The following ARMC3 variants were observed in gnomAD, a reference collection of about 807,000 sequenced individuals.
The protein encoded by ARMC3 is armadillo repeat containing 3, also known as armadillo repeat-containing protein 3.
A neutral mutation model predicts 90.3 loss-of-function variants in ARMC3; 74 were observed. The observed-to-expected ratio is 0.82, with a 90% CI of 0.68 to 0.99. The LOEUF (loss-of-function observed/expected upper bound fraction) is 0.99. Among genes scored for constraint, ARMC3 ranks in the 50% least tolerant of loss-of-function variants. The pLI, the probability that ARMC3 is intolerant of heterozygous loss-of-function variation, is 0.00. For missense variants in ARMC3, 958 were observed against 1,042.8 expected, an observed-to-expected ratio of 0.92 and a Z score of 1.12; for synonymous variants, 334 against 361.8, an observed-to-expected ratio of 0.92 and a Z score of 0.87.
At chr10:23,019,400 A>G (rs577770526) in intron 16 of ARMC3, among the ~76,000 whole-genome samples, 2 of 152,350 alleles carry the variant, frequency 1.3e-5, no homozygotes, top group African/African-American at 4.8e-5. Context: ...TGATTTCTGT[A>G]TACAATTCTA....
At chr10:22,979,676 T>C (rs1836099694) in intron 8 of ARMC3, among the ~76,000 whole-genome samples, 2 of 152,182 alleles carry the variant, frequency 1.3e-5, no homozygotes, top group Admixed American at 6.5e-5. Flanking sequence ...GGAAAAGTTT[T>C]GGATATTACT....
At chr10:22,995,608 A>C (rs979570019) in intron 10 of ARMC3, among the ~76,000 whole-genome samples, 1 of 152,226 alleles carries the variant, frequency 6.6e-6, no homozygotes, top group Non-Finnish European at 1.5e-5. Flanking sequence ...AAAGAGCAGA[A>C]GGTAGAGATA....
At chr10:22,971,082 T>G (rs1019453413) in intron 8 of ARMC3, among the ~76,000 whole-genome samples, 2 of 152,208 alleles carry the variant, frequency 1.3e-5, no homozygotes, top group Admixed American at 1.3e-4. Flanking sequence ...CAACCACTAT[T>G]CTTTGTCTCT....
intron 10 of ARMC3, among the ~76,000 whole-genome samples, chr10:22,988,257 G>A (rs1018880957): frequency 5.3e-5 from 8 of 152,142 alleles, no homozygotes; most frequent in African/African-American, 1.2e-4. Flanking sequence ...ACTTTAGAAC[G>A]TATGCCACAT....
chr10:22,938,340 C>T (rs1030724907), intron 2 of ARMC3, among the ~76,000 whole-genome samples: 1 of 152,052 alleles, frequency 6.6e-6, no homozygotes, highest in South Asian at 2.1e-4. Context: ...CCACGTAGGA[C>T]GTTAGGTTAT....
intron 6 of ARMC3, 162 bp downstream of exon 6, chr10:22,959,736 T>C (rs1835113308): frequency 1.4e-6 from 1 of 713,824 alleles, no homozygotes; most frequent in Middle Eastern, 2.8e-4. Flanking sequence ...GGAAGCTTAA[T>C]GTAGATAATC....
At chr10:22,984,562 C>A (rs1836327328) in intron 10 of ARMC3, among the ~76,000 whole-genome samples, 1 of 151,938 alleles carries the variant, frequency 6.6e-6, no homozygotes, top group South Asian at 2.1e-4. Flanking sequence ...TTTCACACAT[C>A]TTGCTTTCTC....
At chr10:22,958,887 A>C (rs909860738) in intron 4 of ARMC3, among the ~76,000 whole-genome samples, 183 bp from the exon 5 acceptor site, 3 of 151,914 alleles carry the variant, frequency 2.0e-5, no homozygotes, top group Admixed American at 6.6e-5. Flanking sequence ...ATACCTGGCT[A>C]ATTTTTGTTA....
At chr10:22,953,417 AAAG>A (rs1834808492) in intron 3 of ARMC3, among the ~76,000 whole-genome samples, 1 of 152,176 alleles carries the variant, frequency 6.6e-6, no homozygotes, top group South Asian at 2.1e-4. Context: ...TTAAAAGAAA[AAAG>A]AAAAACCATA....
chr10:22,944,208 A>G (rs1834435037), intron 2 of ARMC3, among the ~76,000 whole-genome samples: 3 of 152,144 alleles, frequency 2.0e-5, no homozygotes, highest in Admixed American at 1.3e-4. Context: ...ACCTTTGTTG[A>G]TTATCTTCAA....
chr10:23,016,167 C>T (rs1294629848), intron 16 of ARMC3, among the ~76,000 whole-genome samples: 1 of 152,172 alleles, frequency 6.6e-6, no homozygotes, highest in Non-Finnish European at 1.5e-5. Flanking sequence ...ATCTTTATCA[C>T]TCATGTGGAA....
chr10:22,955,765 C>T (rs985338479), intron 3 of ARMC3, 42 bp from the exon 4 acceptor site: 10 of 1,607,852 alleles, frequency 6.2e-6, no homozygotes, highest in Admixed American at 3.4e-5. Flanking sequence ...CTGATGAGAT[C>T]GATAATATCC....
chr10:23,010,998 T>C (rs959320392), intron 16 of ARMC3, among the ~76,000 whole-genome samples: 4 of 132,274 alleles, frequency 3.0e-5, no homozygotes, highest in Non-Finnish European at 6.6e-5. Context: ...TTCTCCTCTC[T>C]CCTTCCCTTC....
At chr10:22,984,379 C>T (rs1732323534) in intron 10 of ARMC3, among the ~76,000 whole-genome samples, 1 of 151,938 alleles carries the variant, frequency 6.6e-6, no homozygotes, top group African/African-American at 2.4e-5. Context: ...GTGGGTAGAT[C>T]AAAATTTTCT....
At chr10:22,947,410 C>T (rs982071335) in intron 3 of ARMC3, among the ~76,000 whole-genome samples, 3 of 151,688 alleles carry the variant, frequency 2.0e-5, no homozygotes, top group African/African-American at 4.8e-5. Context: ...ATGAAAATGA[C>T]ACTTTATTTC....
chr10:23,009,307 C>A (rs951723956), intron 16 of ARMC3, among the ~76,000 whole-genome samples: 9 of 152,220 alleles, frequency 5.9e-5, no homozygotes, highest in African/African-American at 1.7e-4. Flanking sequence ...AGGTGGGGAA[C>A]CCCACACCCA....
intron 8 of ARMC3, among the ~76,000 whole-genome samples, chr10:22,971,784 A>G (rs925348971): frequency 2.6e-5 from 4 of 152,106 alleles, no homozygotes; most frequent in African/African-American, 9.7e-5. Context: ...TGTTTTCTGT[A>G]GCAGCTGTAC....
At chr10:23,004,685 G>A (rs4748833) in intron 13 of ARMC3, among the ~76,000 whole-genome samples, 82,168 of 151,912 alleles carry the variant, frequency 0.54, 23,701 homozygotes, top group Non-Finnish European at 0.63. Flanking sequence ...ACTGAGCCCC[G>A]GTTGCAGGAA....
chr10:22,964,113 C>A (rs1459836725), intron 7 of ARMC3, among the ~76,000 whole-genome samples: 2 of 151,894 alleles, frequency 1.3e-5, no homozygotes, highest in African/African-American at 2.4e-5. Context: ...TATCATATTT[C>A]TATATGTGAG....
Sources: allele counts gnomAD v4.1 joint callset (sites outside exome capture counted in the v4.1 genomes callset), GRCh38; gene constraint gnomAD v4.1.1; transcripts MANE v1.5; gene names NCBI Gene and HGNC (gene_info 2026-07-23, HGNC 2026-07-21).